ACOT11: variants seen among roughly 807,000 people sequenced by gnomAD.
ACOT11 encodes acyl-coenzyme A thioesterase 11.
Under a neutral mutation model 77.5 loss-of-function variants are expected in ACOT11, and 69 were observed. That is an observed-to-expected ratio of 0.89 (90% CI 0.73 to 1.09). The LOEUF (loss-of-function observed/expected upper bound fraction) is 1.09, where lower values mean the gene tolerates loss of function less well. ACOT11 is among the 50% of genes least tolerant of loss of function. The probability of loss-of-function intolerance (pLI) is 0.00; values close to 1 mark genes in which losing one functional copy is unlikely to be tolerated. For synonymous variants in ACOT11, 279 were observed against 313.0 expected (o/e 0.89, Z 1.15); for missense variants, 766 against 813.7 (o/e 0.94, Z 0.71).
exon 16 of ACOT11, chr1:54,630,819 G>A (rs377475734): frequency 3.6e-5 from 28 of 769,708 alleles, no homozygotes; most frequent in Middle Eastern, 5.4e-4. Flanking sequence ...TCAAAGGGTC[G>A]CAGGAGCGAC....
chr1:54,597,458 T>A lies in ACOT11; in HGVS notation c.764+43T>A, dbSNP rs533236726. The stretch of plus-strand genomic sequence containing the variant: ...TGCCTCTGCCTCCCCTCCTTTCTCC[T>A]CCTCCTCCCCTTGGCTACCTCCCTC... On this transcript the variant is annotated intron_variant, in intron 7 of 15. Transcript: ENST00000343744. 181 of 1,552,484 alleles carry A rather than the reference T, an allele frequency of 1.2e-4. 2 individuals carry two copies. In the Admixed American group the frequency reaches 1.2e-3, roughly 10 times the overall value.
intron 1 of ACOT11, among the ~76,000 whole-genome samples, chr1:54,554,347 A>ATTTTT (rs1298114647): frequency 3.0e-5 from 3 of 98,412 alleles, no homozygotes; most frequent in South Asian, 3.4e-4. Context: ...ATATATATAT[A>ATTTTT]TATATTTTTT....
Position 54,604,088 on chromosome 1 carries a change from C to T in ACOT11, c.1152+151C>T, listed in dbSNP as rs188921117. On this transcript the variant is annotated intron_variant, in intron 11 of 15. Transcript: ENST00000343744. The stretch of plus-strand genomic sequence containing the variant: ...CTACCATTAGCAAAGAGCTGGCCTG[C>T]GTCCCTGTTTGGTAGGTGGAAGCGG... The T allele has an allele frequency of 4.9e-4, 385 of 790,546 alleles. 4 individuals are homozygous for T. The highest frequency in any genetic ancestry group is 2.3e-5 in the Non-Finnish European group (11 of 487,408). 49.0% of individuals were successfully genotyped at this position (790,546 alleles called of 1,614,324 possible).
intron 1 of ACOT11, among the ~76,000 whole-genome samples, chr1:54,569,045 A>T (rs1278644078): frequency 1.3e-5 from 2 of 151,842 alleles, no homozygotes; most frequent in Non-Finnish European, 2.9e-5. Flanking sequence ...TGGGAGGTCA[A>T]GGCTGCAGTG....
At chr1:54,567,910 G>A (rs779068653) in intron 1 of ACOT11, among the ~76,000 whole-genome samples, 5 of 152,082 alleles carry the variant, frequency 3.3e-5, no homozygotes, top group South Asian at 2.1e-4. Flanking sequence ...ATCTTACAAC[G>A]CAGGCCAGAC....
chr1:54,555,877 A>G lies in ACOT11; in HGVS notation c.33+7535A>G, dbSNP rs549790810. ...CTCCTGCTGCCTCAGCCTCCCAAGT[A>G]GCTGGGATGACAGGCACATGCCACC... On this transcript the variant is annotated intron_variant, in intron 1 of 15. Transcript: ENST00000343744. 3.5e-3 allele frequency among the ~76,000 whole-genome samples: 537 copies of G among 152,012 alleles called. 3 individuals carry two copies. The highest frequency in any genetic ancestry group is 0.012 in the African/African-American group (491 of 41,454).
chr1:54,574,308 G>A (rs570339194), intron 1 of ACOT11, among the ~76,000 whole-genome samples: 142 of 152,340 alleles, frequency 9.3e-4, no homozygotes, highest in African/African-American at 3.3e-3. Context: ...CACAGGGTCA[G>A]ACTCTGCTCA....
chr1:54,601,668 A>G (rs1287518274), intron 9 of ACOT11, among the ~76,000 whole-genome samples: 1 of 152,170 alleles, frequency 6.6e-6, no homozygotes, highest in African/African-American at 2.4e-5. Context: ...ATGGGCTGTC[A>G]TGAGCCTGCA....
At chr1:54,635,978 C>T (rs147474730) in exon 17 of ACOT11, 6,507 of 152,384 alleles carry the variant, frequency 0.043, 182 homozygotes, top group Middle Eastern at 0.11. Flanking sequence ...TCTTAAGCCA[C>T]AAACAAAAGC....
intron 10 of ACOT11, 67 bp downstream of exon 10, chr1:54,602,791 G>A: frequency 7.0e-7 from 1 of 1,423,422 alleles, no homozygotes; most frequent in Non-Finnish European, 9.3e-7. Flanking sequence ...TGACCCCAGG[G>A]CACTCGCTTT....
At chr1:54,601,865 GGT>G (rs1643968708) in intron 9 of ACOT11, among the ~76,000 whole-genome samples, 1 of 152,246 alleles carries the variant, frequency 6.6e-6, no homozygotes, top group African/African-American at 2.4e-5. Flanking sequence ...CCCTGGGAGC[GGT>G]CAGGAGGATG....
chr1:54,590,973 G>A (rs1654692679), intron 3 of ACOT11, among the ~76,000 whole-genome samples: 2 of 152,150 alleles, frequency 1.3e-5, no homozygotes, highest in Middle Eastern at 3.4e-3. Context: ...GGCCAGGCTG[G>A]TCTCGAACAT....
At chr1:54,593,027 C>T (rs962929770) in intron 4 of ACOT11, among the ~76,000 whole-genome samples, 3 of 152,198 alleles carry the variant, frequency 2.0e-5, no homozygotes, top group Admixed American at 2.0e-4. Context: ...CAGCCCGTCT[C>T]CTCATCTGCA....
At chr1:54,612,362 G>T, downstream of ACOT11, 1 of 674,000 alleles carries the variant, frequency 1.5e-6, no homozygotes, top group Non-Finnish European at 2.6e-6. Flanking sequence ...CTCTGCAGAG[G>T]GCATGAGCAC....
At chr1:54,614,951 T>TGTGC, downstream of ACOT11, 1 of 1,281,186 alleles carries the variant, frequency 7.8e-7, no homozygotes, top group South Asian at 1.4e-5. Flanking sequence ...TGTGTGTGTG[T>TGTGC]GTGCATGTGC....
At chr1:54,568,276 C>A (rs1653805842) in intron 1 of ACOT11, among the ~76,000 whole-genome samples, 1 of 151,690 alleles carries the variant, frequency 6.6e-6, no homozygotes, top group South Asian at 2.1e-4. Flanking sequence ...TCTCATAGCA[C>A]TTTTCCCTCT....
downstream of ACOT11, among the ~76,000 whole-genome samples, chr1:54,613,106 G>A (rs977196926): frequency 1.1e-4 from 16 of 152,138 alleles, no homozygotes; most frequent in Admixed American, 5.2e-4. Context: ...CCTGCCAGGT[G>A]TGGTGGCTCA....
downstream of ACOT11, chr1:54,610,834 G>C: frequency 1.0e-6 from 1 of 985,424 alleles, no homozygotes; most frequent in African/African-American, 1.7e-5. Flanking sequence ...TGGCTCCCAT[G>C]GCAGGAATGC....
At chr1:54,606,043 C>G (rs1471827885) in intron 13 of ACOT11, among the ~76,000 whole-genome samples, 2 of 152,304 alleles carry the variant, frequency 1.3e-5, no homozygotes, top group East Asian at 3.9e-4. Flanking sequence ...TGGCTTTCCC[C>G]TTCCCACCCC....
Sources: gnomAD v4.1 joint callset for allele counts (sites outside exome capture counted in the v4.1 genomes callset) on GRCh38, gnomAD v4.1.1 for gene constraint, MANE v1.5 for transcripts, NCBI Gene and HGNC (gene_info 2026-07-23, HGNC 2026-07-21) for gene names.